The following ERCC1 variants were observed in gnomAD, a reference collection of about 807,000 sequenced individuals.
ERCC1 encodes the protein DNA excision repair protein ERCC-1.
Under a neutral mutation model 37.6 loss-of-function variants are expected in ERCC1, and 36 were observed. That is an observed-to-expected ratio of 0.96 (90% CI 0.73 to 1.26). The LOEUF (loss-of-function observed/expected upper bound fraction) is 1.26, where lower values mean the gene tolerates loss of function less well. ERCC1 is among the 50% of genes most tolerant of loss of function. ERCC1 has a pLI of 0.00. For missense variants in ERCC1, 349 were observed against 376.5 expected (o/e 0.93, Z 0.60); for synonymous variants, 156 against 162.1 (o/e 0.96, Z 0.28).
intron 1 of ERCC1, among the ~76,000 whole-genome samples, chr19:45,432,865 G>C (rs1374109223): frequency 6.6e-6 from 1 of 152,032 alleles, no homozygotes; most frequent in African/African-American, 2.4e-5. Context: ...TTGGGAGTTC[G>C]AGACCAGCCT....
Position 45,407,723 on chromosome 19 carries a change from C to G in ERCC1, c.*1952G>C, listed in dbSNP as rs1170969947. ...CATGAACCTTGTAAGTGCCTAGCTA[C>G]TCACTTTAAGATGGAGTCACTCTAG... On this transcript the variant is annotated 3_prime_UTR_variant, in exon 10 of 10. Transcript: ENST00000300853. 1 of 246,772 alleles carries G rather than the reference C, an allele frequency of 4.1e-6. No homozygotes were observed. The highest frequency in any genetic ancestry group is 7.8e-6 in the Non-Finnish European group (1 of 127,926). 15.3% of individuals were successfully genotyped at this position (246,772 alleles called of 1,614,324 possible). A position where few individuals can be genotyped will look rare whatever the true frequency, so the allele number is the denominator to read the frequency against.
chr19:45,443,781 C>T (rs116386597), intron 1 of ERCC1, among the ~76,000 whole-genome samples: 275 of 152,114 alleles, frequency 1.8e-3, no homozygotes, highest in African/African-American at 6.1e-3. Context: ...TGTTTCCGGC[C>T]CGGTTTAGCC....
At chr19:45,422,802 T>G (rs548219512) in intron 2 of ERCC1, among the ~76,000 whole-genome samples, 4 of 152,068 alleles carry the variant, frequency 2.6e-5, no homozygotes, top group Admixed American at 2.6e-4. Context: ...GAAGGTCCTC[T>G]CCCCCATCAT....
rs199556175 is a variant in ERCC1, at chr19:45,409,420, G to A, written c.*255C>T. The A allele has an allele frequency of 8.1e-6, 13 of 1,613,670 alleles. No homozygotes were observed. The South Asian group carries it at 8.8e-5, about 11-fold the overall frequency. On this transcript the variant is annotated 3_prime_UTR_variant, in exon 10 of 10. Transcript: ENST00000300853. ...TGCCCCAAGAGGAGATGCCAGGGCC[G>A]CCACTGAATTCAGAGTCTGGGGAGG...
chr19:45,435,726 G>A (rs897218693), intron 1 of ERCC1, among the ~76,000 whole-genome samples: 1 of 152,080 alleles, frequency 6.6e-6, no homozygotes, highest in Non-Finnish European at 1.5e-5. Flanking sequence ...CCAAAGTGTT[G>A]GGATTACAGG....
chr19:45,409,460 C>T lies in ERCC1; in HGVS notation c.*215G>A, dbSNP rs777786624. ...GTCTGGGGAGGAGGCTCCCACAGGC[C>T]GGGACAAGAAGCGGAAGCAGCAGCA... On this transcript the variant is annotated 3_prime_UTR_variant, in exon 10 of 10. Coordinates refer to ENST00000300853, the MANE Select transcript of ERCC1 (RefSeq NM_001983.4). 31 of 1,612,502 alleles carry T rather than the reference C, an allele frequency of 1.9e-5. No individual in the cohort carries two copies. Among genetic ancestry groups the T allele is most frequent in the Admixed American group, 1.0e-4 (6 of 59,876 alleles).
At chr19:45,435,721 G>C (rs538692524) in intron 1 of ERCC1, among the ~76,000 whole-genome samples, 21 of 152,250 alleles carry the variant, frequency 1.4e-4, no homozygotes, top group African/African-American at 4.3e-4. Context: ...GACTCCCAAA[G>C]TGTTGGGATT....
chr19:45,447,677 C>A (rs1260901603), intron 1 of ERCC1, among the ~76,000 whole-genome samples: 1 of 152,090 alleles, frequency 6.6e-6, no homozygotes, highest in Admixed American at 6.6e-5. Flanking sequence ...CGCCTCCACA[C>A]TCAGGATCCT....
chr19:45,440,227 T>A (rs1019784497), intron 1 of ERCC1, among the ~76,000 whole-genome samples: 26 of 138,740 alleles, frequency 1.9e-4, no homozygotes, highest in Middle Eastern at 3.6e-3. Flanking sequence ...TCATCATAAC[T>A]CCCCCCTCCC....
upstream of ERCC1, among the ~76,000 whole-genome samples, chr19:45,426,926 C>G (rs1332940939): frequency 6.8e-6 from 1 of 146,036 alleles, no homozygotes; most frequent in Non-Finnish European, 1.5e-5. Flanking sequence ...CGCAATTGTA[C>G]TCCAGCCTGG....
At chr19:45,414,174 C>A in intron 7 of ERCC1, 140 bp from the exon 8 acceptor site, 1 of 721,914 alleles carries the variant, frequency 1.4e-6, no homozygotes. Flanking sequence ...TTTTTCCCAA[C>A]TGATTAAAAA....
intron 1 of ERCC1, among the ~76,000 whole-genome samples, chr19:45,449,686 C>T (rs1010019648): frequency 6.6e-6 from 1 of 150,514 alleles, no homozygotes; most frequent in Non-Finnish European, 1.5e-5. Context: ...ACAAAATGGC[C>T]GGGCGCGGTG....
chr19:45,411,401 A>G (rs1568574731), intron 9 of ERCC1, among the ~76,000 whole-genome samples: 1 of 152,138 alleles, frequency 6.6e-6, no homozygotes, highest in South Asian at 2.1e-4. Flanking sequence ...ACTGATTTAC[A>G]TTCCCATCAA....
intron 1 of ERCC1, among the ~76,000 whole-genome samples, chr19:45,446,413 G>A (rs1238497379): frequency 1.3e-5 from 2 of 152,098 alleles, no homozygotes; most frequent in East Asian, 3.8e-4. Flanking sequence ...TCAGTAGATG[G>A]CAGCACTTTC....
chr19:45,442,315 CAAAAAA>C (rs61166082), intron 1 of ERCC1, among the ~76,000 whole-genome samples: 2 of 85,818 alleles, frequency 2.3e-5, no homozygotes, highest in Non-Finnish European at 5.2e-5. Flanking sequence ...GACCCTGTCT[CAAAAAA>C]AAAAAAAAGA....
intron 9 of ERCC1, 164 bp from the exon 10 acceptor site, chr19:45,409,889 A>ATTTTTTTTTT (rs1184782156): frequency 6.3e-5 from 15 of 237,688 alleles, no homozygotes; most frequent in African/African-American, 1.3e-4. Context: ...TATTATTATT[A>ATTTTTTTTTT]TTATTATTTT....
intron 1 of ERCC1, among the ~76,000 whole-genome samples, chr19:45,434,003 T>C (rs549442620): frequency 7.9e-5 from 12 of 151,536 alleles, no homozygotes; most frequent in East Asian, 2.0e-4. Flanking sequence ...TAGTCAGGCA[T>C]GGTGGCATGC....
chr19:45,429,464 A>AAAAG (rs978125774), intron 1 of ERCC1, among the ~76,000 whole-genome samples: 13 of 152,142 alleles, frequency 8.5e-5, no homozygotes, highest in African/African-American at 3.1e-4. Context: ...CCATCTCAAA[A>AAAAG]AAAGAAAGAA....
intron 1 of ERCC1, among the ~76,000 whole-genome samples, chr19:45,446,817 G>C (rs529956443): frequency 6.6e-6 from 1 of 152,248 alleles, no homozygotes; most frequent in Non-Finnish European, 1.5e-5. Flanking sequence ...GACCAACATG[G>C]TGAAACCTCA....
Sources: allele counts gnomAD v4.1 joint callset (sites outside exome capture counted in the v4.1 genomes callset), GRCh38; gene constraint gnomAD v4.1.1; transcripts MANE v1.5; gene names NCBI Gene and HGNC (gene_info 2026-07-23, HGNC 2026-07-21).